The following GAB1 variants were observed in gnomAD, a reference collection of about 807,000 sequenced individuals.
GAB1 encodes the protein GRB2 associated binding protein 1, also known as GRB2-associated-binding protein 1.
In GAB1, 19 loss-of-function variants were observed where a neutral mutation model predicts 66.5. That is an observed-to-expected ratio of 0.29 (90% CI 0.20 to 0.42). The LOEUF (loss-of-function observed/expected upper bound fraction) is 0.42. Among genes scored for constraint, GAB1 ranks in the 10% least tolerant of loss-of-function variants. The pLI is 1.00. For missense variants in GAB1, 732 were observed against 858.5 expected (o/e 0.85, Z 1.84); for synonymous variants, 294 against 301.4 (o/e 0.98, Z 0.25).
chr4:143,426,079 C>T (rs1434849021), intron 2 of GAB1: 4 of 551,024 alleles, frequency 7.3e-6, no homozygotes, highest in African/African-American at 1.9e-5. Context: ...CTTGACATTA[C>T]ATGGAGTATA....
chr4:143,402,481 G>A (rs28925878), intron 1 of GAB1, among the ~76,000 whole-genome samples: 5,248 of 152,234 alleles, frequency 0.034, 138 homozygotes, highest in South Asian at 0.089. Context: ...TATTTCACCA[G>A]CATGTACAGT....
intron 1 of GAB1, chr4:143,349,640 T>C: frequency 6.8e-7 from 1 of 1,477,056 alleles, no homozygotes. Flanking sequence ...TTGCCGATCT[T>C]GTTCCCCCAG....
chr4:143,365,641 C>T (rs1403984094), intron 1 of GAB1, among the ~76,000 whole-genome samples: 2 of 152,190 alleles, frequency 1.3e-5, no homozygotes, highest in African/African-American at 2.4e-5. Context: ...ACATGGTTCC[C>T]ACAATGGATG....
intron 8 of GAB1, among the ~76,000 whole-genome samples, chr4:143,463,164 A>G (rs960561589): frequency 2.0e-5 from 3 of 152,192 alleles, no homozygotes; most frequent in East Asian, 1.9e-4. Context: ...ATATTTAACA[A>G]ACTTCTTTAA....
chr4:143,452,733 A>G (rs891015202), intron 6 of GAB1, among the ~76,000 whole-genome samples: 36 of 152,224 alleles, frequency 2.4e-4, no homozygotes, highest in Non-Finnish European at 4.7e-4. Context: ...ATTAAAGCAC[A>G]GATAGAAATT....
intron 2 of GAB1, among the ~76,000 whole-genome samples, chr4:143,430,145 A>G (rs760619783): frequency 6.6e-6 from 1 of 152,212 alleles, no homozygotes; most frequent in Non-Finnish European, 1.5e-5. Context: ...TCAGAAACCT[A>G]CATTTGAAAG....
At chr4:143,352,947 A>G (rs1729288938) in intron 1 of GAB1, among the ~76,000 whole-genome samples, 1 of 152,224 alleles carries the variant, frequency 6.6e-6, no homozygotes, top group Non-Finnish European at 1.5e-5. Flanking sequence ...AGGATTACAG[A>G]AGTGAAAAGG....
At chr4:143,447,684 T>A (rs1216252997) in intron 6 of GAB1, among the ~76,000 whole-genome samples, 1 of 152,212 alleles carries the variant, frequency 6.6e-6, no homozygotes, top group Non-Finnish European at 1.5e-5. Context: ...AAGGAGATTT[T>A]GAGCTGAGAC....
intron 1 of GAB1, among the ~76,000 whole-genome samples, chr4:143,372,346 A>G (rs1730161707): frequency 6.6e-6 from 1 of 152,134 alleles, no homozygotes; most frequent in Non-Finnish European, 1.5e-5. Flanking sequence ...TCACTTATTC[A>G]ACATCTATTT....
intron 2 of GAB1, among the ~76,000 whole-genome samples, chr4:143,429,099 T>TTTTA (rs764094023): frequency 1.3e-5 from 2 of 152,112 alleles, no homozygotes; most frequent in Admixed American, 6.5e-5. Context: ...CAGCAAGAAT[T>TTTTA]TTTATTTATT....
At chr4:143,452,275 C>T (rs780532958) in intron 6 of GAB1, among the ~76,000 whole-genome samples, 5 of 152,036 alleles carry the variant, frequency 3.3e-5, no homozygotes, top group Non-Finnish European at 5.9e-5. Flanking sequence ...TACTTGGGGA[C>T]GATTCCTTAT....
intron 1 of GAB1, among the ~76,000 whole-genome samples, chr4:143,408,009 A>G (rs1332824086): frequency 3.9e-5 from 6 of 152,188 alleles, no homozygotes; most frequent in African/African-American, 1.4e-4. Flanking sequence ...GGAAAGAAAA[A>G]TAAATTTATT....
intron 6 of GAB1, among the ~76,000 whole-genome samples, chr4:143,449,567 T>A (rs963224733): frequency 5.3e-5 from 8 of 152,198 alleles, no homozygotes; most frequent in African/African-American, 1.9e-4. Flanking sequence ...TCTCTTTTGA[T>A]CTTTGTTGGT....
rs1736140420 is a variant in GAB1 at position 143,472,778 on chromosome 4, A to C, written c.*3589A>C. ...TCCGTGACAGGGATTGGACATATGA[A>C]CAAATTAAGTGGATACACACAGTGA... is the stretch of plus-strand genomic sequence containing the variant. On this transcript the variant is annotated 3_prime_UTR_variant, in exon 10 of 10. Transcript: ENST00000262994. The C allele has an allele frequency of 6.6e-6, 1 of 152,170 alleles. No homozygotes were observed. Among genetic ancestry groups the C allele is most frequent in the African/African-American group, 2.4e-5 (1 of 41,434 alleles). 9.4% of individuals were successfully genotyped at this position (152,170 alleles called of 1,614,324 possible). A position where few individuals can be genotyped will look rare whatever the true frequency, so the allele number is the denominator to read the frequency against.
rs1736116631 is a variant in GAB1, at chr4:143,472,316, TA to T, written c.*3129del. The T allele has an allele frequency of 6.6e-6, 1 of 152,178 alleles. No individual in the cohort carries two copies. The highest frequency in any genetic ancestry group is 6.6e-5 in the Admixed American group (1 of 15,262). The allele number at this position is 152,178 out of a possible 1,614,324, so 9.4% of individuals were successfully genotyped here. A position where few individuals can be genotyped will look rare whatever the true frequency, so the allele number is the denominator to read the frequency against. ...ATTGTATTTAATCATAGACTAAATT[TA>T]ATTTGATATAGAAATACTACTTTAC... On this transcript the variant is annotated 3_prime_UTR_variant, in exon 10 of 10. Coordinates refer to ENST00000262994, the MANE Select transcript of GAB1 (RefSeq NM_002039.4).
At chr4:143,449,819 A>G (rs898652563) in intron 6 of GAB1, among the ~76,000 whole-genome samples, 1 of 151,158 alleles carries the variant, frequency 6.6e-6, no homozygotes, top group Non-Finnish European at 1.5e-5. Flanking sequence ...ATGTGTGAAA[A>G]TGATCCTGTC....
intron 1 of GAB1, among the ~76,000 whole-genome samples, chr4:143,362,786 A>G (rs911203519): frequency 1.3e-5 from 2 of 152,108 alleles, no homozygotes; most frequent in African/African-American, 4.8e-5. Flanking sequence ...GTGACAGTGT[A>G]TCTTGTGCCC....
intron 6 of GAB1, among the ~76,000 whole-genome samples, chr4:143,444,358 T>C (rs1333830424): frequency 6.6e-6 from 1 of 152,214 alleles, no homozygotes; most frequent in Non-Finnish European, 1.5e-5. Flanking sequence ...TTAGTTACTA[T>C]ACTGACTTTT....
At chr4:143,421,254 T>C (rs1018851004) in intron 2 of GAB1, among the ~76,000 whole-genome samples, 1 of 152,170 alleles carries the variant, frequency 6.6e-6, no homozygotes, top group African/African-American at 2.4e-5. Flanking sequence ...TCATTCCTTG[T>C]AGCATTTCAT....
Sources: gnomAD v4.1 joint callset for allele counts (sites outside exome capture counted in the v4.1 genomes callset) on GRCh38, gnomAD v4.1.1 for gene constraint, MANE v1.5 for transcripts, NCBI Gene and HGNC (gene_info 2026-07-23, HGNC 2026-07-21) for gene names.